The following ARB2A variants were observed in gnomAD, a reference collection of about 807,000 sequenced individuals.
The protein encoded by ARB2A is ARB2 cotranscriptional regulator A.
chr5:93,887,296 GAA>G, the ARB2A span, among the ~76,000 whole-genome samples: 16 of 147,846 alleles, frequency 1.1e-4, no homozygotes, highest in Non-Finnish European at 2.4e-4. Context: ...CAAACAAAAA[GAA>G]AAGTGAAAGA....
At chr5:94,044,829 A>C in the ARB2A span, among the ~76,000 whole-genome samples, 1 of 152,180 alleles carries the variant, frequency 6.6e-6, no homozygotes, top group African/African-American at 2.4e-5. Context: ...CTATACTCCC[A>C]CTGGCACCAT....
chr5:93,756,442 C>A, the ARB2A span, among the ~76,000 whole-genome samples: 2 of 152,184 alleles, frequency 1.3e-5, no homozygotes, highest in Non-Finnish European at 2.9e-5. Context: ...AGCATTAAAC[C>A]GCCAAACTAA....
the ARB2A span, among the ~76,000 whole-genome samples, chr5:93,952,481 A>G: frequency 6.6e-6 from 1 of 152,192 alleles, no homozygotes; most frequent in Non-Finnish European, 1.5e-5. Flanking sequence ...CACTTTAAAT[A>G]TATCATGCCA....
chr5:93,759,822 A>T, the ARB2A span, among the ~76,000 whole-genome samples: 7 of 152,170 alleles, frequency 4.6e-5, no homozygotes, highest in African/African-American at 1.7e-4. Flanking sequence ...AAGCATTCCC[A>T]TAGAGAACTG....
the ARB2A span, among the ~76,000 whole-genome samples, chr5:93,759,423 A>G: frequency 6.6e-6 from 1 of 152,120 alleles, no homozygotes; most frequent in Non-Finnish European, 1.5e-5. Flanking sequence ...CAATACCAAA[A>G]CCAGGAAAAG....
chr5:94,027,426 T>C, the ARB2A span, among the ~76,000 whole-genome samples: 4 of 152,284 alleles, frequency 2.6e-5, no homozygotes, highest in South Asian at 8.3e-4. Flanking sequence ...GGCTGAAGGA[T>C]AAGTTGATCA....
the ARB2A span, among the ~76,000 whole-genome samples, chr5:93,634,345 A>G: frequency 6.6e-6 from 1 of 151,660 alleles, no homozygotes; most frequent in African/African-American, 2.4e-5. Flanking sequence ...GGTTGCAGTG[A>G]GCCGAGATCG....
At chr5:93,648,176 TTTC>T in the ARB2A span, among the ~76,000 whole-genome samples, 1 of 151,766 alleles carries the variant, frequency 6.6e-6, no homozygotes, top group African/African-American at 2.4e-5. Flanking sequence ...TTAATAATTA[TTTC>T]TTATTTTAAT....
the ARB2A span, among the ~76,000 whole-genome samples, chr5:94,065,894 A>G: frequency 7.5e-4 from 115 of 152,324 alleles, no homozygotes; most frequent in East Asian, 1.7e-3. Flanking sequence ...ACATTTACAG[A>G]ACATTTCATC....
the ARB2A span, among the ~76,000 whole-genome samples, chr5:93,962,930 TAA>T: frequency 6.6e-6 from 1 of 152,038 alleles, no homozygotes; most frequent in Non-Finnish European, 1.5e-5. Context: ...TAATGAAACT[TAA>T]ACATATAACA....
At chr5:93,960,455 GTT>G in the ARB2A span, among the ~76,000 whole-genome samples, 1 of 152,088 alleles carries the variant, frequency 6.6e-6, no homozygotes, top group Admixed American at 6.6e-5. Flanking sequence ...TTGCAAATGT[GTT>G]TATTCACGGC....
the ARB2A span, among the ~76,000 whole-genome samples, chr5:94,037,270 G>T: frequency 6.6e-6 from 1 of 151,952 alleles, no homozygotes; most frequent in African/African-American, 2.4e-5. Flanking sequence ...TATCCTATAC[G>T]TAGTATTCCA....
At chr5:93,847,940 C>A in the ARB2A span, among the ~76,000 whole-genome samples, 3 of 152,140 alleles carry the variant, frequency 2.0e-5, no homozygotes, top group African/African-American at 4.8e-5. Context: ...CAAAGGCCTG[C>A]GGTTTTAACT....
At chr5:93,687,276 T>TA in the ARB2A span, among the ~76,000 whole-genome samples, 21 of 152,192 alleles carry the variant, frequency 1.4e-4, no homozygotes, top group Non-Finnish European at 2.8e-4. Context: ...AAATAACACT[T>TA]AAGACATAAA....
chr5:93,872,029 A>G, the ARB2A span, among the ~76,000 whole-genome samples: 1 of 151,194 alleles, frequency 6.6e-6, no homozygotes, highest in Non-Finnish European at 1.5e-5. Context: ...GCTCACTGCA[A>G]CCTCTGCCTC....
At chr5:93,882,602 C>T in the ARB2A span, among the ~76,000 whole-genome samples, 9 of 150,890 alleles carry the variant, frequency 6.0e-5, no homozygotes, top group Non-Finnish European at 1.3e-4. Flanking sequence ...ATGGAATAAG[C>T]TAACCATGAG....
the ARB2A span, among the ~76,000 whole-genome samples, chr5:93,648,895 A>G: frequency 6.6e-6 from 1 of 152,236 alleles, no homozygotes; most frequent in African/African-American, 2.4e-5. Flanking sequence ...TAACCTATGG[A>G]AATTGAAATA....
the ARB2A span, among the ~76,000 whole-genome samples, chr5:94,042,218 A>G: frequency 6.6e-6 from 1 of 152,056 alleles, no homozygotes; most frequent in African/African-American, 2.4e-5. Context: ...CTAAAGTAAA[A>G]GGGGTATTAT....
At chr5:93,827,903 T>C in the ARB2A span, among the ~76,000 whole-genome samples, 1 of 152,168 alleles carries the variant, frequency 6.6e-6, no homozygotes, top group Non-Finnish European at 1.5e-5. Flanking sequence ...GATCAGATAG[T>C]CGTAGGCATG....
Sources: allele counts gnomAD v4.1 joint callset (sites outside exome capture counted in the v4.1 genomes callset), GRCh38; gene constraint gnomAD v4.1.1; transcripts MANE v1.5; gene names NCBI Gene and HGNC (gene_info 2026-07-23, HGNC 2026-07-21).